ZNF69: variants seen among roughly 807,000 people sequenced by gnomAD.
The protein encoded by ZNF69 is zinc finger protein 69.
ZNF69 carries 47 observed loss-of-function variants against 50.9 expected under a neutral mutation model. The ratio of observed to expected loss-of-function variants is 0.92; its 90% CI spans 0.73 to 1.18. The LOEUF is 1.18. Ranked by LOEUF, ZNF69 falls within the 50% of genes most tolerant of loss-of-function variation. The pLI is 0.00. For missense variants in ZNF69, 717 were observed against 675.1 expected (o/e 1.06, Z -0.69); for synonymous variants, 216 against 223.1 (o/e 0.97, Z 0.29).
At chr19:11,972,148 G>C in the ZNF69 span, among the ~76,000 whole-genome samples, 3 of 152,014 alleles carry the variant, frequency 2.0e-5, no homozygotes, top group East Asian at 5.8e-4. Flanking sequence ...ACCTGGTCAT[G>C]GTGATGTGTA....
downstream of ZNF69, among the ~76,000 whole-genome samples, chr19:11,908,061 G>A (rs1334475641): frequency 2.0e-5 from 3 of 152,212 alleles, no homozygotes; most frequent in Non-Finnish European, 2.9e-5. Context: ...AACCAACAAA[G>A]ATCAAAAGAG....
exon 5 of ZNF69, chr19:11,914,097 G>A (rs977333750): frequency 6.6e-6 from 1 of 152,024 alleles, no homozygotes; most frequent in African/African-American, 2.4e-5. Context: ...ACTTTGGGAG[G>A]CCGAGGTCAG....
chr19:11,968,025 G>A, the ZNF69 span, among the ~76,000 whole-genome samples: 3 of 152,274 alleles, frequency 2.0e-5, no homozygotes, highest in Middle Eastern at 3.4e-3. Flanking sequence ...TTGTGGGAGT[G>A]TAAGGATACT....
At chr19:11,959,265 AC>A in the ZNF69 span, among the ~76,000 whole-genome samples, 1 of 152,188 alleles carries the variant, frequency 6.6e-6, no homozygotes, top group Non-Finnish European at 1.5e-5. Flanking sequence ...TAGTTTGGTA[AC>A]CTTTGCAGAA....
At chr19:11,980,194 A>G in the ZNF69 span, 35 of 500,902 alleles carry the variant, frequency 7.0e-5, no homozygotes, top group Admixed American at 1.1e-3. Context: ...GGCCTGATCA[A>G]TATGATGAAA....
the ZNF69 span, chr19:11,925,288 C>A: frequency 6.2e-7 from 1 of 1,611,106 alleles, no homozygotes; most frequent in South Asian, 1.1e-5. Flanking sequence ...GTGTGCGGGA[C>A]CAGATGTCGT....
chr19:11,889,734 G>C (rs556758919), intron 1 of ZNF69, among the ~76,000 whole-genome samples: 1 of 152,314 alleles, frequency 6.6e-6, no homozygotes, highest in African/African-American at 2.4e-5. Flanking sequence ...GGGCCCAGGG[G>C]ACCGGCGCTC....
the ZNF69 span, among the ~76,000 whole-genome samples, chr19:11,959,950 A>G: frequency 6.6e-6 from 1 of 151,350 alleles, no homozygotes; most frequent in Admixed American, 6.6e-5. Context: ...CCATTGGTTG[A>G]GCATTTTTCC....
intron 3 of ZNF69, 75 bp downstream of exon 3, chr19:11,904,040 A>G: frequency 6.7e-7 from 1 of 1,497,354 alleles, no homozygotes; most frequent in Non-Finnish European, 9.1e-7. Context: ...AAAAATAAGT[A>G]AAAGAACTAA....
the ZNF69 span, chr19:11,948,844 G>A: frequency 2.5e-6 from 4 of 1,608,644 alleles, no homozygotes; most frequent in Non-Finnish European, 3.4e-6. Flanking sequence ...AACTCACACT[G>A]GGGAGAAGCC....
chr19:11,937,302 G>A, the ZNF69 span, among the ~76,000 whole-genome samples: 3 of 151,956 alleles, frequency 2.0e-5, no homozygotes, highest in Non-Finnish European at 1.5e-5. Context: ...TGCTAATCCA[G>A]GTGTTTCAGT....
exon 5 of ZNF69, chr19:11,913,501 G>A (rs1179300874): frequency 9.0e-6 from 4 of 445,834 alleles, no homozygotes; most frequent in African/African-American, 8.3e-5. Flanking sequence ...CAACTCTCCT[G>A]CTTCAGCCTC....
At chr19:11,978,605 G>A in the ZNF69 span, 104 of 1,613,194 alleles carry the variant, frequency 6.4e-5, no homozygotes, top group South Asian at 3.7e-4. Flanking sequence ...GAGAGAAACC[G>A]TATGAATGTA....
the ZNF69 span, among the ~76,000 whole-genome samples, chr19:11,944,038 C>G: frequency 3.3e-5 from 5 of 151,976 alleles, no homozygotes; most frequent in Non-Finnish European, 5.9e-5. Flanking sequence ...GTCTGTGGTC[C>G]CTTCCACCAT....
intron 1 of ZNF69, among the ~76,000 whole-genome samples, chr19:11,900,866 T>A (rs1972230176): frequency 6.6e-6 from 1 of 152,176 alleles, no homozygotes; most frequent in African/African-American, 2.4e-5. Context: ...AGATCATGCT[T>A]TTTGTGTTGT....
At chr19:11,946,037 C>G in the ZNF69 span, among the ~76,000 whole-genome samples, 1 of 152,154 alleles carries the variant, frequency 6.6e-6, no homozygotes, top group African/African-American at 2.4e-5. Context: ...AACTCTATGT[C>G]CTTGTCCCTG....
At chr19:11,937,386 C>A in the ZNF69 span, among the ~76,000 whole-genome samples, 2 of 152,084 alleles carry the variant, frequency 1.3e-5, no homozygotes, top group Non-Finnish European at 2.9e-5. Flanking sequence ...CTATGTTGCC[C>A]AGGCTGGTCT....
the ZNF69 span, among the ~76,000 whole-genome samples, chr19:11,968,666 A>G: frequency 6.6e-6 from 1 of 152,146 alleles, no homozygotes; most frequent in South Asian, 2.1e-4. Flanking sequence ...AGACAACATG[A>G]TAGCCATGGA....
At chr19:11,978,086 C>T in the ZNF69 span, 1 of 1,598,264 alleles carries the variant, frequency 6.3e-7, no homozygotes, top group South Asian at 1.1e-5. Context: ...ACTCATAAAC[C>T]CTTCATAATG....
Sources: gnomAD v4.1 joint callset for allele counts (sites outside exome capture counted in the v4.1 genomes callset) on GRCh38, gnomAD v4.1.1 for gene constraint, MANE v1.5 for transcripts, NCBI Gene and HGNC (gene_info 2026-07-23, HGNC 2026-07-21) for gene names.